ADAMTS2: variants seen among roughly 807,000 people sequenced by gnomAD.
The protein encoded by ADAMTS2 is A disintegrin and metalloproteinase with thrombospondin motifs 2.
Under a neutral mutation model 123.0 loss-of-function variants are expected in ADAMTS2, and 50 were observed. The ratio of observed to expected loss-of-function variants is 0.41; its 90% confidence interval spans 0.32 to 0.51. ADAMTS2 has a LOEUF of 0.51. Among genes scored for constraint, ADAMTS2 ranks in the 20% least tolerant of loss-of-function variants. The pLI is 0.35. For missense variants in ADAMTS2, 1,494 were observed against 1,705.2 expected (o/e 0.88, Z 2.18); for synonymous variants, 678 against 695.4 (o/e 0.98, Z 0.39).
chr5:179,245,796 C>CAAAAAAAACA lies in ADAMTS2; in HGVS notation c.688+27105_688+27114dup, dbSNP rs1765788774. Reference sequence around the variant, plus strand: ...AAAAAAAAAAAAAAAAAAAAAAAAACAAAAAAAACAAAGATGGGGGTGGAA... The same window carrying CAAAAAAAACA: ...AAAAAAAAAAAAAAAAAAAAAAAAACAAAAAAAACAAAAAAAAACAAAGATGGGGGTGGAA... On this transcript the variant is annotated intron_variant, in intron 3 of 21. Coordinates refer to ENST00000251582, the MANE Select transcript of ADAMTS2 (RefSeq NM_014244.5). Among the ~76,000 whole-genome samples, 22 of 73,806 alleles carry CAAAAAAAACA rather than the reference C, an allele frequency of 3.0e-4. 1 individual carries two copies. Among genetic ancestry groups the CAAAAAAAACA allele is most frequent in the African/African-American group, 1.0e-3 (20 of 20,078 alleles). 48.4% of individuals were successfully genotyped at this position (73,806 alleles called of 152,430 possible).
chr5:179,316,915 C>T (rs533429435), intron 2 of ADAMTS2, among the ~76,000 whole-genome samples: 55 of 151,974 alleles, frequency 3.6e-4, no homozygotes, highest in Admixed American at 1.5e-3. Flanking sequence ...CCTTCTAGCC[C>T]GGGAGAGAGC....
At chr5:179,310,969 T>C (rs1440883882) in intron 2 of ADAMTS2, among the ~76,000 whole-genome samples, 6 of 150,696 alleles carry the variant, frequency 4.0e-5, no homozygotes, top group Admixed American at 4.0e-4. Context: ...GCCGGCTGGG[T>C]CCTCTGGACC....
rs1763914110 is a variant in ADAMTS2, at chr5:179,175,675, A to G, written c.975+5397T>C. On this transcript the variant is annotated intron_variant, in intron 5 of 21. Coordinates refer to ENST00000251582, the MANE Select transcript of ADAMTS2 (RefSeq NM_014244.5). This position sits in a 1 kb window ranked among gnomAD's most constrained non-coding sequence, Gnocchi z 4.1. Reference sequence around the variant, plus strand: ...ATCACCAGACTCCTCTCCTAACTCTACAAGTTGTACCGTGGATTCTTTTAG... The same window carrying G: ...ATCACCAGACTCCTCTCCTAACTCTGCAAGTTGTACCGTGGATTCTTTTAG... Among the ~76,000 whole-genome samples the G allele has an allele frequency of 6.6e-6, 1 of 152,154 alleles. No individual in the cohort carries two copies. The highest frequency in any genetic ancestry group is 1.5e-5 in the Non-Finnish European group (1 of 68,036).
rs770921231 is a variant in ADAMTS2 at position 179,155,451 on chromosome 5, T to C, written c.1133-532A>G. 1.1e-4 allele frequency among the ~76,000 whole-genome samples: 17 copies of C among 152,060 alleles called. No individual in the cohort carries two copies. The highest frequency in any genetic ancestry group is 2.6e-4 in the Admixed American group (4 of 15,270). ...CCTTGAGACCCTAGCTAGACCTGTT[T>C]CCATAATGCCGCAGAAGGCTGCAAA... On this transcript the variant is annotated intron_variant, in intron 6 of 21. Transcript: ENST00000251582. This position sits in a 1 kb window ranked among gnomAD's most constrained non-coding sequence, Gnocchi z 5.1.
chr5:179,263,080 T>A (rs1175524132), intron 3 of ADAMTS2, among the ~76,000 whole-genome samples: 1 of 135,278 alleles, frequency 7.4e-6, no homozygotes, highest in East Asian at 2.4e-4. Flanking sequence ...TATTCCCCCA[T>A]GATTTGGGGA....
At chr5:179,221,190 T>A (rs556754668) in intron 3 of ADAMTS2, among the ~76,000 whole-genome samples, 1 of 152,138 alleles carries the variant, frequency 6.6e-6, no homozygotes. Flanking sequence ...ACACACCTCC[T>A]GTTTCTTCTT....
chr5:179,196,483 C>T (rs1375916881), intron 4 of ADAMTS2, among the ~76,000 whole-genome samples: 1 of 152,204 alleles, frequency 6.6e-6, no homozygotes, highest in East Asian at 1.9e-4. Context: ...CGGAAACCTG[C>T]TCCTCCTGCT....
In ADAMTS2 at chr5:179,272,526, C is replaced by T. The variant is rs367775019; in HGVS notation, c.688+385G>A. Among the ~76,000 whole-genome samples, 2 of 152,190 alleles carry T rather than the reference C, an allele frequency of 1.3e-5. No individual in the cohort carries two copies. The highest frequency in any genetic ancestry group is 1.9e-4 in the East Asian group (1 of 5,186). On this transcript the variant is annotated intron_variant, in intron 3 of 21. Transcript: ENST00000251582. The surrounding 1 kb of genome is among the most constrained non-coding windows in gnomAD (Gnocchi z 5.8). ...GGGGCTCTGGAGGCCTCTTCACAGG[C>T]ACAGACTCAGAGACGCAGGCACTGG...
At chr5:179,253,622 G>A (rs559579043) in intron 3 of ADAMTS2, among the ~76,000 whole-genome samples, 42 of 151,666 alleles carry the variant, frequency 2.8e-4, no homozygotes, top group African/African-American at 8.7e-4. Context: ...CTCCAGCCTG[G>A]GTAACAAAGT....
intron 21 of ADAMTS2, among the ~76,000 whole-genome samples, chr5:179,119,750 G>A (rs1253866782): frequency 6.6e-6 from 1 of 152,176 alleles, no homozygotes; most frequent in Admixed American, 6.5e-5. Flanking sequence ...GTGACCTGCT[G>A]GTGGCTCACG....
At chr5:179,151,204 T>G (rs1763350876) in intron 10 of ADAMTS2, 1 of 211,808 alleles carries the variant, frequency 4.7e-6, no homozygotes, top group African/African-American at 2.3e-5. Flanking sequence ...GCCTGAACTG[T>G]GTAAAGTGGT....
intron 2 of ADAMTS2, among the ~76,000 whole-genome samples, chr5:179,321,986 A>G (rs163498): frequency 0.71 from 107,771 of 152,104 alleles, 39,080 homozygotes; most frequent in Non-Finnish European, 0.8. Context: ...TTTCCATTAT[A>G]TGTGGCATGG....
chr5:179,239,280 GA>G (rs1024192831), intron 3 of ADAMTS2, among the ~76,000 whole-genome samples: 1 of 152,228 alleles, frequency 6.6e-6, no homozygotes, highest in African/African-American at 2.4e-5. Context: ...GATTTTGAAA[GA>G]AAACCTAAAA....
chr5:179,119,325 C>T (rs1762715185), intron 21 of ADAMTS2, among the ~76,000 whole-genome samples: 1 of 152,256 alleles, frequency 6.6e-6, no homozygotes. Context: ...CCGGGCCCGG[C>T]CCTATGCCCA....
chr5:179,223,970 C>T (rs1236956508), intron 3 of ADAMTS2, among the ~76,000 whole-genome samples: 1 of 152,234 alleles, frequency 6.6e-6, no homozygotes, highest in Non-Finnish European at 1.5e-5. Context: ...AATAAACGGG[C>T]CAAAAACGCC....
intron 4 of ADAMTS2, 35 bp downstream of exon 4, chr5:179,207,478 C>A: frequency 1.2e-6 from 1 of 835,896 alleles, no homozygotes; most frequent in Non-Finnish European, 2.0e-6. Context: ...TTGACCCTCC[C>A]CGCCCCACCC....
intron 3 of ADAMTS2, among the ~76,000 whole-genome samples, chr5:179,268,178 A>C (rs1766424392): frequency 2.0e-5 from 3 of 152,324 alleles, no homozygotes; most frequent in South Asian, 4.1e-4. Flanking sequence ...AAGGGAGTTG[A>C]GGAGGGTCTG....
intron 10 of ADAMTS2, among the ~76,000 whole-genome samples, chr5:179,143,400 TC>T (rs1373590589): frequency 7.0e-6 from 1 of 143,550 alleles, no homozygotes; most frequent in Non-Finnish European, 1.5e-5. Flanking sequence ...GCCACTGCGC[TC>T]CAGGCTGGGT....
intron 3 of ADAMTS2, among the ~76,000 whole-genome samples, chr5:179,227,303 C>T (rs1581205093): frequency 6.6e-6 from 1 of 152,180 alleles, no homozygotes; most frequent in East Asian, 1.9e-4. Flanking sequence ...AAGCAAGCCA[C>T]GCACATGCAG....
Sources: gnomAD v4.1 joint callset for allele counts (sites outside exome capture counted in the v4.1 genomes callset) on GRCh38, gnomAD v4.1.1 for gene constraint, Gnocchi (gnomAD v3.1) non-coding constraint, MANE v1.5 for transcripts, NCBI Gene and HGNC (gene_info 2026-07-23, HGNC 2026-07-21) for gene names.